SRGAP2: variants seen among roughly 807,000 people sequenced by gnomAD.
SRGAP2 encodes SLIT-ROBO Rho GTPase-activating protein 2.
In SRGAP2, 15 loss-of-function variants were observed where a neutral mutation model predicts 57.2. That is an observed-to-expected ratio of 0.26 (90% CI 0.18 to 0.40). The LOEUF (loss-of-function observed/expected upper bound fraction) is 0.40, where lower values mean the gene tolerates loss of function less well. Ranked by LOEUF, SRGAP2 falls within the 10% of genes least tolerant of loss-of-function variation. The pLI, the probability that SRGAP2 is intolerant of heterozygous loss-of-function variation, is 1.00. For synonymous variants in SRGAP2, 249 were observed against 248.0 expected (o/e 1.00, Z -0.04); for missense variants, 520 against 669.6 (o/e 0.78, Z 2.47).
At chr1:206,229,112 T>C (rs543660181) in intron 2 of SRGAP2, among the ~76,000 whole-genome samples, 1 of 152,170 alleles carries the variant, frequency 6.6e-6, no homozygotes, top group South Asian at 2.1e-4. Context: ...AGCAATAAGG[T>C]AAAATAATGA....
intron 2 of SRGAP2, among the ~76,000 whole-genome samples, chr1:206,240,931 C>T (rs1484034662): frequency 2.6e-5 from 4 of 152,162 alleles, no homozygotes; most frequent in Admixed American, 6.5e-5. Flanking sequence ...CACCTGTAAT[C>T]CCACCACTTT....
intron 7 of SRGAP2, among the ~76,000 whole-genome samples, 197 bp from the exon 8 acceptor site, chr1:206,401,224 G>C (rs1373882129): frequency 2.0e-5 from 3 of 152,136 alleles, no homozygotes; most frequent in Non-Finnish European, 4.4e-5. Context: ...CAGCCCTCTA[G>C]GGTGTGTTTA....
chr1:206,353,735 A>C (rs1423079341), intron 4 of SRGAP2, among the ~76,000 whole-genome samples: 1 of 149,326 alleles, frequency 6.7e-6, no homozygotes, highest in Non-Finnish European at 1.5e-5. Context: ...TAAAACAACC[A>C]ATTCTTTCTT....
In SRGAP2 at chr1:206,440,145, T is replaced by A. The variant is rs1380610294; in HGVS notation, c.1874+64T>A. On this transcript the variant is annotated intron_variant, in intron 17 of 22. Coordinates refer to ENST00000573034, the MANE Select transcript of SRGAP2 (RefSeq NM_015326.5). ...GGCTTGGGCACTGGAAGTTCCTCTA[T>A]GGACCTATGCCTATTCATCCATCCC... 6 of 755,758 alleles carry A rather than the reference T, an allele frequency of 7.9e-6. No homozygotes were observed. In the East Asian group the frequency reaches 1.5e-4, roughly 19 times the overall value. The allele number at this position is 755,758 out of a possible 1,614,324, so 46.8% of individuals were successfully genotyped here.
intron 4 of SRGAP2, among the ~76,000 whole-genome samples, chr1:206,355,924 G>A (rs1676395399): frequency 6.6e-6 from 1 of 151,862 alleles, no homozygotes; most frequent in African/African-American, 2.4e-5. Context: ...CCAAGATTGT[G>A]CCATTGCACT....
At chr1:206,453,405 G>T (rs1270101595) in intron 20 of SRGAP2, 25 bp downstream of exon 20, 1 of 597,224 alleles carries the variant, frequency 1.7e-6, no homozygotes, top group Non-Finnish European at 3.1e-6. Context: ...TGGCATCTTT[G>T]GGGGTGGTCC....
chr1:206,213,526 C>G (rs1666445744), intron 2 of SRGAP2, among the ~76,000 whole-genome samples: 1 of 151,788 alleles, frequency 6.6e-6, no homozygotes, highest in African/African-American at 2.4e-5. Flanking sequence ...TCAGCCGTTA[C>G]TCTGCTTTTA....
At position 206,216,702 on chromosome 1, in the gene SRGAP2, C is replaced by T. The variant is rs1357122225; in HGVS notation, c.67+10665C>T. On this transcript the variant is annotated intron_variant, in intron 2 of 22. Coordinates refer to ENST00000573034, the MANE Select transcript of SRGAP2 (RefSeq NM_015326.5). ...TGGTTCTGAACTTGAAATATGTATT[C>T]GTGAGGAAGGAAAAACAGTTGGGAC... 2.1e-5 allele frequency among the ~76,000 whole-genome samples: 3 copies of T among 144,214 alleles called. No homozygotes were observed. The Admixed American group carries it at 2.1e-4, about 10-fold the overall frequency. 94.6% of individuals were successfully genotyped at this position (144,214 alleles called of 152,430 possible). A position where few individuals can be genotyped will look rare whatever the true frequency, so the allele number is the denominator to read the frequency against.
chr1:206,422,911 T>C (rs1200130604), intron 13 of SRGAP2, among the ~76,000 whole-genome samples: 1 of 152,264 alleles, frequency 6.6e-6, no homozygotes, highest in Non-Finnish European at 1.5e-5. Context: ...TAGCAGTTCA[T>C]ATCTACTAGT....
In SRGAP2 at chr1:206,254,987, C is replaced by T. The variant is rs566938305; in HGVS notation, c.68-48294C>T. ...TGCCATACCTTGGATTGCCAAACTGCCCTCACTGGAGCCAATTTCTCTGGT... is the reference window on the plus strand; with the variant it reads ...TGCCATACCTTGGATTGCCAAACTGTCCTCACTGGAGCCAATTTCTCTGGT... On this transcript the variant is annotated intron_variant, in intron 2 of 22. Transcript: ENST00000573034. Among the ~76,000 whole-genome samples the T allele has an allele frequency of 3.3e-3, 493 of 151,168 alleles. 2 individuals carry two copies. Among genetic ancestry groups the T allele is most frequent in the Middle Eastern group, 0.021 (6 of 292 alleles).
intron 3 of SRGAP2, among the ~76,000 whole-genome samples, chr1:206,305,033 G>T (rs1400695667): frequency 7.1e-6 from 1 of 140,706 alleles, no homozygotes; most frequent in Non-Finnish European, 1.5e-5. Context: ...CTTCCAAAGT[G>T]CTGGAATTAC....
At chr1:206,243,739 C>T (rs1461967608) in intron 2 of SRGAP2, among the ~76,000 whole-genome samples, 2 of 152,092 alleles carry the variant, frequency 1.3e-5, no homozygotes, top group Non-Finnish European at 2.9e-5. Flanking sequence ...TGGATCTACT[C>T]GGTTGATGGA....
intron 2 of SRGAP2, among the ~76,000 whole-genome samples, chr1:206,220,313 T>G (rs1280345810): frequency 6.6e-6 from 1 of 151,796 alleles, no homozygotes; most frequent in Admixed American, 6.6e-5. Context: ...ATTTGAAAAA[T>G]TATCCGATAA....
intron 7 of SRGAP2, among the ~76,000 whole-genome samples, chr1:206,400,163 A>G (rs1553354969): frequency 6.6e-6 from 1 of 150,470 alleles, no homozygotes; most frequent in Non-Finnish European, 1.5e-5. Flanking sequence ...AATCAGGCAG[A>G]TGGCCTTACT....
chr1:206,369,036 C>T (rs1654285971), intron 4 of SRGAP2, among the ~76,000 whole-genome samples: 1 of 152,180 alleles, frequency 6.6e-6, no homozygotes, highest in East Asian at 1.9e-4. Context: ...CCTAATATAT[C>T]TCTCATCATT....
intron 2 of SRGAP2, among the ~76,000 whole-genome samples, chr1:206,290,170 T>C (rs1473497436): frequency 6.6e-6 from 1 of 152,012 alleles, no homozygotes; most frequent in Non-Finnish European, 1.5e-5. Context: ...TCAGAGTTCA[T>C]GACTAAGGAT....
intron 2 of SRGAP2, among the ~76,000 whole-genome samples, chr1:206,263,276 G>A (rs1428954454): frequency 1.4e-5 from 2 of 145,158 alleles, no homozygotes; most frequent in Admixed American, 6.9e-5. Context: ...TTCTGGAGTC[G>A]CTATTTAATT....
At chr1:206,446,352 A>T in intron 18 of SRGAP2, 53 bp downstream of exon 18, 1 of 771,664 alleles carries the variant, frequency 1.3e-6, no homozygotes. Context: ...ACACACTGGC[A>T]TGGGAGCCAG....
chr1:206,249,345 A>G (rs1668695925), intron 2 of SRGAP2, among the ~76,000 whole-genome samples: 1 of 152,200 alleles, frequency 6.6e-6, no homozygotes, highest in Non-Finnish European at 1.5e-5. Flanking sequence ...ACCAACCCAA[A>G]TGCCCATCAA....
Sources: gnomAD v4.1 joint callset for allele counts (sites outside exome capture counted in the v4.1 genomes callset) on GRCh38, gnomAD v4.1.1 for gene constraint, MANE v1.5 for transcripts, NCBI Gene and HGNC (gene_info 2026-07-23, HGNC 2026-07-21) for gene names.